C12orf54: variants seen among roughly 807,000 people sequenced by gnomAD.
C12orf54 encodes chromosome 12 open reading frame 54.
A neutral mutation model predicts 26.4 loss-of-function variants in C12orf54; 24 were observed. The ratio of observed to expected loss-of-function variants is 0.91; its 90% CI spans 0.66 to 1.28. The LOEUF (loss-of-function observed/expected upper bound fraction) is 1.28. C12orf54 is among the 50% of genes most tolerant of loss of function. The pLI is 0.00. For missense variants in C12orf54, 154 were observed against 150.9 expected (o/e 1.02, Z -0.11); for synonymous variants, 54 against 47.0 (o/e 1.15, Z -0.61).
chr12:48,438,050 CAA>C, the C12orf54 span, among the ~76,000 whole-genome samples: 356 of 152,302 alleles, frequency 2.3e-3, no homozygotes, highest in African/African-American at 8.3e-3. Flanking sequence ...GCAACTTCAG[CAA>C]AGTCTCAGGA....
chr12:48,445,162 G>C, the C12orf54 span, among the ~76,000 whole-genome samples: 1 of 152,036 alleles, frequency 6.6e-6, no homozygotes, highest in African/African-American at 2.4e-5. Context: ...GACAGAGCGA[G>C]ACTCCGTCTC....
chr12:48,490,987 A>C, intron 6 of C12orf54, 151 bp downstream of exon 6: 1 of 956,410 alleles, frequency 1.0e-6, no homozygotes, highest in Non-Finnish European at 1.6e-6. Context: ...AGGATCTTCC[A>C]TTTAGCTTAC....
At chr12:48,422,361 G>T in the C12orf54 span, among the ~76,000 whole-genome samples, 11 of 152,194 alleles carry the variant, frequency 7.2e-5, no homozygotes, top group Non-Finnish European at 1.3e-4. Flanking sequence ...TACAGTTTCT[G>T]CTTAAGAACC....
chr12:48,440,161 G>T, the C12orf54 span, among the ~76,000 whole-genome samples: 1 of 151,842 alleles, frequency 6.6e-6, no homozygotes, highest in African/African-American at 2.4e-5. Context: ...GGAGGCGGAG[G>T]TTGCAGTGAA....
At chr12:48,494,767 C>G in intron 7 of C12orf54, 31 bp from the exon 8 acceptor site, 1 of 1,607,498 alleles carries the variant, frequency 6.2e-7, no homozygotes, top group Non-Finnish European at 8.5e-7. Flanking sequence ...CTCTTTCCCT[C>G]ATGTCTACAA....
At chr12:48,492,559 G>A (rs1252581830) in intron 6 of C12orf54, among the ~76,000 whole-genome samples, 1 of 152,194 alleles carries the variant, frequency 6.6e-6, no homozygotes, top group East Asian at 1.9e-4. Context: ...AAGATGGAGG[G>A]AGGGAGGGTG....
At chr12:48,491,792 A>G (rs990119854) in intron 6 of C12orf54, among the ~76,000 whole-genome samples, 4 of 152,218 alleles carry the variant, frequency 2.6e-5, no homozygotes, top group African/African-American at 9.6e-5. Flanking sequence ...CACTCATCCA[A>G]GAAAGAACTT....
At chr12:48,449,944 A>C in the C12orf54 span, among the ~76,000 whole-genome samples, 7 of 152,128 alleles carry the variant, frequency 4.6e-5, no homozygotes. Context: ...TGGGTTTATC[A>C]AGGGCTTCTG....
chr12:48,429,926 C>T, the C12orf54 span, among the ~76,000 whole-genome samples: 7 of 152,008 alleles, frequency 4.6e-5, no homozygotes, highest in Admixed American at 3.9e-4. Context: ...ACTATAGGAC[C>T]GTAGTCACCA....
At chr12:48,490,916 C>G (rs553537599) in intron 6 of C12orf54, 80 bp downstream of exon 6, 3 of 1,520,688 alleles carry the variant, frequency 2.0e-6, no homozygotes, top group Non-Finnish European at 2.7e-6. Context: ...TATCCATTTG[C>G]CATACAAAAG....
At chr12:48,427,813 C>A in the C12orf54 span, among the ~76,000 whole-genome samples, 248 of 152,112 alleles carry the variant, frequency 1.6e-3, no homozygotes, top group African/African-American at 5.8e-3. Context: ...TACCTTGGAA[C>A]AAATGAACTT....
At chr12:48,420,928 G>A in the C12orf54 span, among the ~76,000 whole-genome samples, 1 of 152,010 alleles carries the variant, frequency 6.6e-6, no homozygotes, top group Non-Finnish European at 1.5e-5. Flanking sequence ...ATGCACAGAA[G>A]GTCAAGTTAA....
At chr12:48,459,539 G>A in the C12orf54 span, among the ~76,000 whole-genome samples, 1 of 152,114 alleles carries the variant, frequency 6.6e-6, no homozygotes, top group East Asian at 1.9e-4. Context: ...CATCTAGAGA[G>A]GACATGTCAT....
At chr12:48,431,450 T>A in the C12orf54 span, among the ~76,000 whole-genome samples, 1 of 152,108 alleles carries the variant, frequency 6.6e-6, no homozygotes, top group African/African-American at 2.4e-5. Flanking sequence ...AGTCAATATT[T>A]AAAAATTATA....
chr12:48,461,572 T>A, the C12orf54 span, among the ~76,000 whole-genome samples: 1 of 151,688 alleles, frequency 6.6e-6, no homozygotes, highest in African/African-American at 2.4e-5. Context: ...TATAAATCAA[T>A]GGCAAAAAGA....
chr12:48,487,830 G>T, intron 4 of C12orf54: 1 of 488,424 alleles, frequency 2.0e-6, no homozygotes, highest in South Asian at 3.9e-5. Flanking sequence ...TCCCAAGGGA[G>T]ACAACCCACA....
chr12:48,486,086 A>T, intron 2 of C12orf54, 92 bp from the exon 3 acceptor site: 1 of 1,271,448 alleles, frequency 7.9e-7, no homozygotes, highest in Non-Finnish European at 1.1e-6. Flanking sequence ...AACTTCAAGA[A>T]TTCCTGCTAG....
chr12:48,486,238 C>T (rs774547736), intron 3 of C12orf54, 30 bp downstream of exon 3: 3 of 1,597,518 alleles, frequency 1.9e-6, no homozygotes, highest in East Asian at 2.2e-5. Context: ...TCTCTGGATC[C>T]TCTGGGGCTT....
chr12:48,479,543 G>A (rs1954177556), upstream of C12orf54, among the ~76,000 whole-genome samples: 1 of 150,570 alleles, frequency 6.6e-6, no homozygotes. Context: ...ATTTAAAAAA[G>A]AACATTTTTA....
Sources: gnomAD v4.1 joint callset for allele counts (sites outside exome capture counted in the v4.1 genomes callset) on GRCh38, gnomAD v4.1.1 for gene constraint, MANE v1.5 for transcripts, NCBI Gene and HGNC (gene_info 2026-07-23, HGNC 2026-07-21) for gene names.